The following UNC45A variants were observed in gnomAD, a reference collection of about 807,000 sequenced individuals.
UNC45A encodes the protein protein unc-45 homolog A.
In UNC45A, 78 loss-of-function variants were observed where a neutral mutation model predicts 103.2. The observed-to-expected ratio is 0.76, with a 90% CI of 0.63 to 0.91. UNC45A has a LOEUF of 0.91. Ranked by LOEUF, UNC45A falls within the 40% of genes least tolerant of loss-of-function variation. The probability of loss-of-function intolerance (pLI) is 0.00; values close to 1 mark genes in which losing one functional copy is unlikely to be tolerated. For missense variants in UNC45A, 1,193 were observed against 1,224.8 expected (o/e 0.97, Z 0.39); for synonymous variants, 495 against 504.6 (o/e 0.98, Z 0.25).
intron 8 of UNC45A, among the ~76,000 whole-genome samples, chr15:90,944,341 C>T (rs561011712): frequency 1.3e-5 from 2 of 151,814 alleles, no homozygotes; most frequent in African/African-American, 4.8e-5. Context: ...GAGCCGAGAT[C>T]GCGCCATTGC....
intron 4 of UNC45A, among the ~76,000 whole-genome samples, chr15:90,936,979 C>T (rs2036054453): frequency 6.6e-6 from 1 of 152,178 alleles, no homozygotes; most frequent in Non-Finnish European, 1.5e-5. Flanking sequence ...ACTACAGACT[C>T]TTATATAGTT....
chr15:90,950,189 G>A lies in UNC45A; in HGVS notation c.2109G>A (p.Val703=). 1 of 1,551,674 alleles carries A rather than the reference G, an allele frequency of 6.4e-7. No individual in the cohort carries two copies. Among genetic ancestry groups the A allele is most frequent in the South Asian group, 1.2e-5 (1 of 84,060 alleles). ...CGCTGGCCCTGGAAGGCACGGACGT[G>A]GGGCAGACAAAGGCAGCCCAGGCCC... The part of the protein sequence containing the change: ...LIPLALEGTD[V]GQTKAAQALA... Residue 703 remains valine (V), a synonymous_variant, in exon 16 of 20, where the codon GTG becomes GTA. Transcript: ENST00000418476.
chr15:90,951,848 G>A (rs2036932360), intron 17 of UNC45A, among the ~76,000 whole-genome samples: 1 of 152,222 alleles, frequency 6.6e-6, no homozygotes, highest in South Asian at 2.1e-4. Flanking sequence ...AGCCTGGGGG[G>A]GTCAAGGCTA....
upstream of UNC45A, chr15:90,931,553 T>C (rs768081934): frequency 1.9e-6 from 3 of 1,614,156 alleles, no homozygotes; most frequent in South Asian, 1.1e-5. Flanking sequence ...CTATTGTATT[T>C]TTACTGTATG....
upstream of UNC45A, chr15:90,932,473 C>G (rs868073323): frequency 2.3e-6 from 3 of 1,323,954 alleles, no homozygotes; most frequent in Admixed American, 3.6e-5. Context: ...GTCCTTCCGC[C>G]GCTGCTGCCG....
At chr15:90,946,347 T>G (rs964076906) in intron 9 of UNC45A, among the ~76,000 whole-genome samples, 1 of 152,064 alleles carries the variant, frequency 6.6e-6, no homozygotes, top group Non-Finnish European at 1.5e-5. Flanking sequence ...AGCCGAATCA[T>G]TTCAGAGCTT....
chr15:90,943,458 T>C (rs542724862), intron 8 of UNC45A, among the ~76,000 whole-genome samples: 254 of 149,442 alleles, frequency 1.7e-3, no homozygotes, highest in African/African-American at 6.0e-3. Flanking sequence ...AAAGAAAAGT[T>C]GTGATTATCT....
chr15:90,953,143 A>C lies in UNC45A; in HGVS notation c.2422-12A>C. On this transcript the variant is annotated splice_polypyrimidine_tract_variant and intron_variant, in intron 18 of 19. Coordinates refer to ENST00000418476, the MANE Select transcript of UNC45A (RefSeq NM_018671.5). ...CCAACTGACTTGGTCCACTCCTCAC[A>C]TCTGGCCACAGGTGCAGGACCTCTT... The C allele has an allele frequency of 6.2e-7, 1 of 1,613,228 alleles. No individual in the cohort carries two copies. Among genetic ancestry groups the C allele is most frequent in the Non-Finnish European group, 8.5e-7 (1 of 1,179,544 alleles).
chr15:90,944,973 G>A lies in UNC45A; in HGVS notation c.1109G>A (p.Ser370Asn). The A allele has an allele frequency of 1.2e-6, 2 of 1,612,904 alleles. No individual in the cohort carries two copies. The highest frequency in any genetic ancestry group is 8.5e-7 in the Non-Finnish European group (1 of 1,180,038). The change falls in exon 9 of 20, where the codon AGC (serine) becomes AAC (asparagine). Residue 370 changes from serine to asparagine, a missense_variant. Transcript: ENST00000418476. ...ELAVTANSRMSASILLSKLFD... is the reference protein window; with the variant it reads ...ELAVTANSRMNASILLSKLFD... ...GCAGTGACCGCAAACAGCCGCATGAGCGCCTCTATTCTCCTCAGCAAGCTC... is the reference window on the plus strand; with the variant it reads ...GCAGTGACCGCAAACAGCCGCATGAACGCCTCTATTCTCCTCAGCAAGCTC...
chr15:90,934,715 T>G, upstream of UNC45A: 1 of 398,506 alleles, frequency 2.5e-6, no homozygotes, highest in Non-Finnish European at 4.4e-6. Flanking sequence ...AAAGGAGAAG[T>G]TCAGGGGGCT....
chr15:90,947,166 AAC>A lies in UNC45A; in HGVS notation c.1500+256_1500+257del, dbSNP rs1307968399. ...CATGTCACTGCACTCCTGCCTGGGCAACACAGCAAGACCCTCTCTAAAATAAA... is the reference window on the plus strand; with the variant it reads ...CATGTCACTGCACTCCTGCCTGGGCAACAGCAAGACCCTCTCTAAAATAAA... On this transcript the variant is annotated intron_variant, in intron 10 of 19. Transcript: ENST00000418476. 1.4e-5 allele frequency: 7 copies of A among 517,540 alleles called. No homozygotes were observed. The Admixed American group carries it at 1.6e-4, about 12-fold the overall frequency. 32.1% of individuals were successfully genotyped at this position (517,540 alleles called of 1,614,324 possible).
chr15:90,947,127 T>G (rs903920330), intron 10 of UNC45A: 48 of 586,996 alleles, frequency 8.2e-5, no homozygotes, highest in Non-Finnish European at 2.1e-5. Flanking sequence ...AGGTTGAGGC[T>G]GTGGTGAGTC....
intron 5 of UNC45A, 37 bp from the exon 6 acceptor site, chr15:90,940,269 G>T: frequency 6.3e-7 from 1 of 1,591,672 alleles, no homozygotes; most frequent in East Asian, 2.2e-5. Flanking sequence ...TATGCCGTGT[G>T]CAGTGTCAAC....
chr15:90,940,617 C>G (rs2036245424), intron 6 of UNC45A, 144 bp downstream of exon 6: 5 of 1,058,910 alleles, frequency 4.7e-6, no homozygotes, highest in Non-Finnish European at 6.4e-6. Context: ...TTACCTTATT[C>G]TAAAAAGAAC....
rs766783983 is a variant in UNC45A at position 90,950,614 on chromosome 15, C to T, written c.2302C>T (p.Arg768Trp). Residue 768 changes from arginine (R) to tryptophan (W), a missense_variant and splice_region_variant, in exon 17 of 20, where the codon CGG (arginine) becomes TGG (tryptophan). By Grantham distance (101) the Arg-to-Trp change is moderately radical (BLOSUM62 -3). Coordinates refer to ENST00000418476, the MANE Select transcript of UNC45A (RefSeq NM_018671.5). ...CCTGGCTGGGATCAGCGAGAGGCTC[C>T]GGTAAGGTCCCTTGGGATTGCGGGG... ...TNLAGISERLRQKILKEKAVP... is the reference protein window; with the variant it reads ...TNLAGISERLWQKILKEKAVP... The T allele has an allele frequency of 1.7e-5, 28 of 1,613,894 alleles. No individual in the cohort carries two copies. Among genetic ancestry groups the T allele is most frequent in the Middle Eastern group, 1.6e-4 (1 of 6,084 alleles).
upstream of UNC45A, chr15:90,931,114 A>G: frequency 3.8e-6 from 3 of 799,798 alleles, no homozygotes; most frequent in Non-Finnish European, 5.8e-6. Flanking sequence ...CAGCTTAGTT[A>G]GCAGGAGACC....
chr15:90,943,444 A>G (rs1410807859), intron 8 of UNC45A, among the ~76,000 whole-genome samples: 1 of 151,470 alleles, frequency 6.6e-6, no homozygotes, highest in Non-Finnish European at 1.5e-5. Flanking sequence ...AAAAAAAAAA[A>G]AAGAAAGAAA....
At position 90,950,282 on chromosome 15, in the gene UNC45A, G is replaced by T. The variant is rs2036828139; in HGVS notation, c.2187+15G>T. On this transcript the variant is annotated intron_variant, in intron 16 of 19. Coordinates refer to ENST00000418476, the MANE Select transcript of UNC45A (RefSeq NM_018671.5). ...CTGGCGAGCGGGTACGTGTCTTCCT[G>T]CCCCGGCCTTTCCACTCCCTCTGTC... 20 of 1,551,248 alleles carry T rather than the reference G, an allele frequency of 1.3e-5. No individual in the cohort carries two copies. Among genetic ancestry groups the T allele is most frequent in the Non-Finnish European group, 1.7e-5 (19 of 1,146,780 alleles).
chr15:90,942,464 A>C lies in UNC45A; in HGVS notation c.715A>C (p.Thr239Pro). 1.2e-6 allele frequency: 2 copies of C among 1,613,652 alleles called. No individual in the cohort carries two copies. The highest frequency in any genetic ancestry group is 4.5e-5 in the East Asian group (2 of 44,860). ...RTVATLSILG[T>P]RRVVSILGVE... is the part of the protein sequence containing the mutation. ...AGTGGCAACCCTGAGCATACTGGGA[A>C]CTCGGCGAGTAGTCTCCATCCTGGG... Residue 239 changes from threonine (T) to proline (P), a missense_variant, in exon 7 of 20, where the codon ACT (threonine) becomes CCT (proline). Physicochemically the swap from Thr to Pro is conservative, Grantham distance 38. Coordinates refer to ENST00000418476, the MANE Select transcript of UNC45A (RefSeq NM_018671.5).
Sources: gnomAD v4.1 joint callset for allele counts (sites outside exome capture counted in the v4.1 genomes callset) on GRCh38, gnomAD v4.1.1 for gene constraint, MANE v1.5 for transcripts, NCBI Gene and HGNC (gene_info 2026-07-23, HGNC 2026-07-21) for gene names.